NEBL: variants seen among roughly 807,000 people sequenced by gnomAD.
NEBL encodes the protein LIM and SH3 protein 2.
In NEBL, 122 loss-of-function variants were observed where a neutral mutation model predicts 140.2. The observed-to-expected ratio is 0.87, with a 90% CI of 0.75 to 1.01. The LOEUF (loss-of-function observed/expected upper bound fraction) is 1.01, where lower values mean the gene tolerates loss of function less well. NEBL is among the 50% of genes least tolerant of loss of function. The pLI is 0.00. For missense variants in NEBL, 1,365 were observed against 1,231.3 expected (o/e 1.11, Z -1.62); for synonymous variants, 436 against 398.9 (o/e 1.09, Z -1.11).
At chr10:20,941,343 A>G (rs1423701184) in intron 4 of NEBL, among the ~76,000 whole-genome samples, 7 of 152,248 alleles carry the variant, frequency 4.6e-5, no homozygotes, top group African/African-American at 9.6e-5. Flanking sequence ...CCACATGATT[A>G]TCTCAATAGA....
At chr10:21,089,131 G>A (rs1836788659) in intron 2 of NEBL, among the ~76,000 whole-genome samples, 1 of 152,142 alleles carries the variant, frequency 6.6e-6, no homozygotes, top group Admixed American at 6.5e-5. Flanking sequence ...TAAAGAAGAA[G>A]CAGTGAAAGA....
At chr10:21,239,787 T>C (rs963712257) in intron 3 of NEBL, among the ~76,000 whole-genome samples, 24 of 151,606 alleles carry the variant, frequency 1.6e-4, no homozygotes, top group Admixed American at 2.0e-4. Context: ...GAGGTTGAGG[T>C]GGGCGGATTA....
chr10:20,814,332 G>A (rs1256299073), intron 22 of NEBL, among the ~76,000 whole-genome samples: 1 of 151,728 alleles, frequency 6.6e-6, no homozygotes, highest in Non-Finnish European at 1.5e-5. Flanking sequence ...CCGAGGACTC[G>A]TATCTGTAAT....
intron 26 of NEBL, among the ~76,000 whole-genome samples, chr10:20,792,924 G>C (rs1359585722): frequency 6.6e-5 from 10 of 152,080 alleles, no homozygotes; most frequent in African/African-American, 2.2e-4. Context: ...GTGTCACTGA[G>C]AGTTTCATGT....
chr10:20,835,702 A>G, intron 13 of NEBL, 79 bp from the exon 14 acceptor site: 1 of 981,242 alleles, frequency 1.0e-6, no homozygotes, highest in South Asian at 1.3e-5. Flanking sequence ...CTAAAAAAAA[A>G]ATAGTTAGAC....
chr10:21,189,701 T>C (rs1329006274), intron 3 of NEBL, among the ~76,000 whole-genome samples: 2 of 151,936 alleles, frequency 1.3e-5, no homozygotes, highest in Admixed American at 6.6e-5. Context: ...TCTCCTGACC[T>C]CGTGATCTGC....
chr10:21,147,893 A>T (rs938322586), intron 2 of NEBL, among the ~76,000 whole-genome samples: 1 of 152,226 alleles, frequency 6.6e-6, no homozygotes, highest in Non-Finnish European at 1.5e-5. Context: ...CCTTCATGAA[A>T]CAAATATTTA....
chr10:21,009,028 AG>A (rs1464441086), intron 3 of NEBL, among the ~76,000 whole-genome samples: 2 of 152,060 alleles, frequency 1.3e-5, no homozygotes, highest in African/African-American at 4.8e-5. Flanking sequence ...TAGAATAAAA[AG>A]ATTCAAAGCC....
intron 3 of NEBL, among the ~76,000 whole-genome samples, chr10:21,243,666 A>T (rs1310930668): frequency 6.6e-6 from 1 of 152,124 alleles, no homozygotes; most frequent in Non-Finnish European, 1.5e-5. Flanking sequence ...TAAAAATTTC[A>T]GTAACTGTAA....
At chr10:20,897,355 C>T, upstream of NEBL, 1 of 1,459,010 alleles carries the variant, frequency 6.9e-7, no homozygotes, top group Non-Finnish European at 8.9e-7. Flanking sequence ...CACTTCACTC[C>T]TTATCTCAGT....
chr10:20,893,030 C>T (rs184959111), intron 2 of NEBL, among the ~76,000 whole-genome samples: 184 of 152,278 alleles, frequency 1.2e-3, no homozygotes, highest in African/African-American at 4.3e-3. Context: ...AAAGGATTTA[C>T]CCACAACAAC....
chr10:20,965,152 C>T lies in NEBL; in HGVS notation c.250-3373G>A, dbSNP rs147876978. ...ATCTTTACTGAGCACCTACTATGGGCCAAGAGCTGTTCCAGGTATAGAAAT... is the reference window on the plus strand; with the variant it reads ...ATCTTTACTGAGCACCTACTATGGGTCAAGAGCTGTTCCAGGTATAGAAAT... On this transcript the variant is annotated intron_variant, in intron 3 of 6. Transcript: ENST00000417816. Among the ~76,000 whole-genome samples, 37 of 152,290 alleles carry T rather than the reference C, an allele frequency of 2.4e-4. No individual in the cohort carries two copies. In the East Asian group the frequency reaches 6.9e-3, roughly 29 times the overall value.
Position 21,173,903 on chromosome 10 carries a change from C to G in NEBL, c.-70G>C, listed in dbSNP as rs1841202056. 1.9e-6 allele frequency: 3 copies of G among 1,577,554 alleles called. No homozygotes were observed. The African/African-American group carries it at 4.1e-5, about 21-fold the overall frequency. On this transcript the variant is annotated 5_prime_UTR_variant, in exon 1 of 7. Transcript: ENST00000417816. The surrounding 1 kb of genome is among the most constrained non-coding windows in gnomAD (Gnocchi z 5.7). ...CAGGAGCCGCTGTGACATCCCCCGG[C>G]GAGCCCCGCACCGCCTCCTGGCAGG...
chr10:21,237,568 T>C (rs1842373974), intron 3 of NEBL, among the ~76,000 whole-genome samples: 1 of 152,128 alleles, frequency 6.6e-6, no homozygotes, highest in African/African-American at 2.4e-5. Flanking sequence ...TGGTCTTCCT[T>C]GGAGACCATA....
chr10:21,173,916 G>T lies in NEBL; in HGVS notation c.-83C>A. On this transcript the variant is annotated 5_prime_UTR_variant, in exon 1 of 7. Coordinates refer to the NEBL transcript ENST00000417816. This position sits in a 1 kb window ranked among gnomAD's most constrained non-coding sequence, Gnocchi z 5.7. ...GACATCCCCCGGCGAGCCCCGCACC[G>T]CCTCCTGGCAGGCGGGAGGGCTGCG... 3 of 1,535,352 alleles carry T rather than the reference G, an allele frequency of 2.0e-6. No individual in the cohort carries two copies. Among genetic ancestry groups the T allele is most frequent in the Non-Finnish European group, 2.6e-6 (3 of 1,148,844 alleles).
intron 3 of NEBL, among the ~76,000 whole-genome samples, chr10:20,991,176 T>C (rs1564472692): frequency 6.6e-6 from 1 of 152,216 alleles, no homozygotes; most frequent in Non-Finnish European, 1.5e-5. Context: ...ACTTCATTCC[T>C]ATTTCCTAAA....
At chr10:20,844,329 G>A (rs964480238) in intron 12 of NEBL, among the ~76,000 whole-genome samples, 2 of 151,388 alleles carry the variant, frequency 1.3e-5, no homozygotes, top group African/African-American at 4.8e-5. Flanking sequence ...AATTTCATAT[G>A]TATGTATGTA....
At chr10:21,101,645 C>T (rs1837482112) in intron 2 of NEBL, among the ~76,000 whole-genome samples, 1 of 152,202 alleles carries the variant, frequency 6.6e-6, no homozygotes, top group South Asian at 2.1e-4. Flanking sequence ...TTTGGCTTCT[C>T]TGTCACTTGC....
intron 3 of NEBL, among the ~76,000 whole-genome samples, chr10:21,226,644 G>C (rs1005560653): frequency 1.3e-5 from 2 of 152,136 alleles, no homozygotes; most frequent in African/African-American, 4.8e-5. Context: ...TTTCTGCTGT[G>C]ACAGGGCAGC....
Sources: gnomAD v4.1 joint callset for allele counts (sites outside exome capture counted in the v4.1 genomes callset) on GRCh38, gnomAD v4.1.1 for gene constraint, Gnocchi (gnomAD v3.1) non-coding constraint, MANE v1.5 for transcripts, NCBI Gene and HGNC (gene_info 2026-07-23, HGNC 2026-07-21) for gene names.